Variants in PTK2 observed in about 807,000 individuals in gnomAD.
The protein encoded by PTK2 is focal adhesion kinase 1.
In PTK2, 45 loss-of-function variants were observed where a neutral mutation model predicts 150.1. The ratio of observed to expected loss-of-function variants is 0.30; its 90% CI spans 0.24 to 0.38. The LOEUF is 0.38. Ranked by LOEUF, PTK2 falls within the 10% of genes least tolerant of loss-of-function variation. The probability of loss-of-function intolerance (pLI) is 1.00; values close to 1 mark genes in which losing one functional copy is unlikely to be tolerated. For synonymous variants in PTK2, 432 were observed against 449.2 expected, an observed-to-expected ratio of 0.96 and a Z score of 0.48; for missense variants, 919 against 1,307.3, an observed-to-expected ratio of 0.70 and a Z score of 4.58.
intron 5 of PTK2, among the ~76,000 whole-genome samples, chr8:140,856,922 A>T (rs1489299717): frequency 2.0e-5 from 3 of 152,246 alleles, no homozygotes; most frequent in African/African-American, 4.8e-5. Flanking sequence ...AAAAACAGTT[A>T]TGTGATAAAG....
At chr8:140,992,120 C>A (rs941670387) in intron 1 of PTK2, among the ~76,000 whole-genome samples, 4 of 151,884 alleles carry the variant, frequency 2.6e-5, no homozygotes, top group African/African-American at 9.7e-5. Context: ...GGTGAAACCC[C>A]GTCTCTACCA....
chr8:140,665,475 G>T (rs982326814), intron 30 of PTK2, among the ~76,000 whole-genome samples: 2 of 152,120 alleles, frequency 1.3e-5, no homozygotes, highest in African/African-American at 4.8e-5. Flanking sequence ...CAAGGGGGCA[G>T]CCTTGCTTTG....
intron 1 of PTK2, among the ~76,000 whole-genome samples, chr8:140,927,958 G>GAAAAAAAAAAAAAAAAA (rs57931737): frequency 1.6e-5 from 1 of 63,638 alleles, no homozygotes; most frequent in Non-Finnish European, 2.6e-5. Flanking sequence ...AAAAAAAAAA[G>GAAAAAAAAAAAAAAAAA]AAAAAAAAAA....
chr8:140,702,564 A>G lies in PTK2; in HGVS notation c.2367+6T>C. Reference sequence around the variant, plus strand: ...AACAAACTGAAGCCCAAGACACCCGATTTACCTCCACATTGGGCTGCCACA... The same window carrying G: ...AACAAACTGAAGCCCAAGACACCCGGTTTACCTCCACATTGGGCTGCCACA... On this transcript the variant is annotated splice_donor_region_variant and intron_variant, in intron 25 of 31. Transcript: ENST00000522684. 6.2e-7 allele frequency: 1 copy of G among 1,612,822 alleles called. No homozygotes were observed. The highest frequency in any genetic ancestry group is 8.5e-7 in the Non-Finnish European group (1 of 1,179,498).
At chr8:140,831,121 G>T (rs1176758749) in intron 7 of PTK2, among the ~76,000 whole-genome samples, 1 of 152,136 alleles carries the variant, frequency 6.6e-6, no homozygotes, top group African/African-American at 2.4e-5. Flanking sequence ...GGAAATGCTG[G>T]AAATCGCAGC....
intron 1 of PTK2, among the ~76,000 whole-genome samples, chr8:140,959,580 C>T (rs1468962909): frequency 3.3e-5 from 5 of 150,608 alleles, no homozygotes; most frequent in Admixed American, 3.3e-4. Flanking sequence ...GTGATCCGTT[C>T]CCCTCAGAAA....
At chr8:140,877,409 C>A (rs1219073256) in intron 4 of PTK2, among the ~76,000 whole-genome samples, 1 of 152,114 alleles carries the variant, frequency 6.6e-6, no homozygotes, top group East Asian at 1.9e-4. Flanking sequence ...TTGAGATAGG[C>A]AATCTAATTT....
chr8:140,742,026 T>C (rs1245745135), intron 20 of PTK2, among the ~76,000 whole-genome samples: 1 of 152,034 alleles, frequency 6.6e-6, no homozygotes. Context: ...GTACCAGCAA[T>C]TTGGGAGGCT....
upstream of PTK2, chr8:141,001,312 G>C (rs1390657612): frequency 6.8e-6 from 1 of 147,630 alleles, no homozygotes; most frequent in African/African-American, 2.4e-5. Flanking sequence ...GCGCGCGTGC[G>C]CGGCAGCCGG....
At position 140,893,303 on chromosome 8, in the gene PTK2, CCT is replaced by C. The variant is rs199873138; in HGVS notation, c.-32-2536_-32-2535del. 4.3e-4 allele frequency among the ~76,000 whole-genome samples: 65 copies of C among 152,186 alleles called. 2 individuals carry two copies. Among genetic ancestry groups the C allele is most frequent in the East Asian group, 3.7e-3 (19 of 5,184 alleles). On this transcript the variant is annotated intron_variant, in intron 2 of 31. Transcript: ENST00000522684. ...TCCAGCTTGGGCGACAGAAAGAGAC[CCT>C]GACATAAAACAAAATGAAACACCCT...
intron 23 of PTK2, among the ~76,000 whole-genome samples, chr8:140,706,784 T>C (rs992047233): frequency 6.6e-6 from 1 of 152,140 alleles, no homozygotes. Context: ...GTAGATCAGC[T>C]ACTCAGGAGG....
Position 140,756,611 on chromosome 8 carries a change from C to T in PTK2, c.1333-4295G>A, listed in dbSNP as rs143163434. Among the ~76,000 whole-genome samples the T allele has an allele frequency of 2.6e-3, 368 of 144,150 alleles. 3 individuals are homozygous for T. Among genetic ancestry groups the T allele is most frequent in the African/African-American group, 8.7e-3 (340 of 38,896 alleles). The allele number at this position is 144,150 out of a possible 152,430, so 94.6% of individuals were successfully genotyped here. The stretch of plus-strand genomic sequence containing the variant: ...ACTTGGGAGGCTGAGGCAGGAGAAT[C>T]GCTTGAACCCGGGAGGTTGTGGTGA... On this transcript the variant is annotated intron_variant, in intron 16 of 31. Coordinates refer to ENST00000522684, the Ensembl canonical transcript of PTK2.
At chr8:140,892,100 C>G (rs1601042504) in intron 2 of PTK2, among the ~76,000 whole-genome samples, 1 of 152,134 alleles carries the variant, frequency 6.6e-6, no homozygotes, top group Non-Finnish European at 1.5e-5. Context: ...CCCAGCTACT[C>G]AGGAGGCTAA....
chr8:140,831,501 A>G (rs555450374), intron 7 of PTK2, among the ~76,000 whole-genome samples: 23 of 152,358 alleles, frequency 1.5e-4, no homozygotes, highest in Non-Finnish European at 2.9e-4. Flanking sequence ...AACCAGAGAC[A>G]TCATGTCAGT....
At chr8:140,770,220 T>A (rs1376649267) in intron 14 of PTK2, among the ~76,000 whole-genome samples, 1 of 152,214 alleles carries the variant, frequency 6.6e-6, no homozygotes, top group Non-Finnish European at 1.5e-5. Context: ...TTTCAATTAT[T>A]ATAAATAATC....
chr8:140,854,499 G>A (rs1008455568), intron 5 of PTK2, among the ~76,000 whole-genome samples: 2 of 151,890 alleles, frequency 1.3e-5, no homozygotes, highest in Non-Finnish European at 2.9e-5. Context: ...TTGATTCCGG[G>A]GTAAAACAAA....
rs1194131455 is a variant in PTK2, at chr8:140,785,771, A to G, written c.1177+3703T>C. On this transcript the variant is annotated intron_variant, in intron 14 of 31. Transcript: ENST00000522684. ...TCATTTTCAAGCTGTGTGACACTGA[A>G]TAAGTTTGTTTACCTTTCTGAATTT... 5.9e-5 allele frequency among the ~76,000 whole-genome samples: 9 copies of G among 152,328 alleles called. No homozygotes were observed. The South Asian group carries it at 1.2e-3, about 21-fold the overall frequency.
At position 140,667,428 on chromosome 8, in the gene PTK2, T is replaced by C. The variant is rs569502412; in HGVS notation, c.2865+841A>G. On this transcript the variant is annotated intron_variant, in intron 30 of 31. Coordinates refer to ENST00000522684, the Ensembl canonical transcript of PTK2. The stretch of plus-strand genomic sequence containing the variant: ...TAAAAGGAGCCATTGCTGACTTTCC[T>C]TGGACCTAGTGTCCTCTTTCTTTCT... Among the ~76,000 whole-genome samples the C allele has an allele frequency of 2.6e-5, 4 of 151,900 alleles. No homozygotes were observed. The South Asian group carries it at 8.3e-4, about 32-fold the overall frequency.
chr8:140,938,042 T>C (rs1434585438), intron 1 of PTK2, among the ~76,000 whole-genome samples: 3 of 152,262 alleles, frequency 2.0e-5, no homozygotes, highest in African/African-American at 7.2e-5. Context: ...CTAACAGTTA[T>C]CTAAGAAGAC....
Sources: allele counts gnomAD v4.1 joint callset (sites outside exome capture counted in the v4.1 genomes callset), GRCh38; gene constraint gnomAD v4.1.1; transcripts MANE v1.5; gene names NCBI Gene and HGNC (gene_info 2026-07-23, HGNC 2026-07-21).